C3orf49: variants seen among roughly 807,000 people sequenced by gnomAD.
C3orf49 encodes putative uncharacterized protein C3orf49.
Under a neutral mutation model 13.3 loss-of-function variants are expected in C3orf49, and 27 were observed. The observed-to-expected ratio is 2.02, with a 90% confidence interval of 1.49 to 2.79. C3orf49 has a LOEUF of 2.79. C3orf49 is among the 30% of genes most tolerant of loss of function. The pLI is 0.00. For synonymous variants in C3orf49, 87 were observed against 47.6 expected (o/e 1.83, Z -3.40); for missense variants, 242 against 134.2 (o/e 1.80, Z -3.97).
At chr3:63,836,088 T>C (rs891483410) in intron 5 of C3orf49, among the ~76,000 whole-genome samples, 11 of 152,068 alleles carry the variant, frequency 7.2e-5, no homozygotes, top group Non-Finnish European at 1.3e-4. Flanking sequence ...CATTGTGATA[T>C]TGATGCATAT....
At chr3:63,794,673 T>C in the C3orf49 span, among the ~76,000 whole-genome samples, 1 of 152,144 alleles carries the variant, frequency 6.6e-6, no homozygotes, top group African/African-American at 2.4e-5. Flanking sequence ...AAACACCTCC[T>C]ATGTGCCAGG....
the C3orf49 span, among the ~76,000 whole-genome samples, chr3:63,795,094 T>C: frequency 6.6e-6 from 1 of 152,154 alleles, no homozygotes; most frequent in Non-Finnish European, 1.5e-5. Flanking sequence ...GAGCCTTTGT[T>C]TGCATAGAAG....
intron 5 of C3orf49, chr3:63,838,434 A>G: frequency 6.2e-7 from 1 of 1,608,246 alleles, no homozygotes; most frequent in South Asian, 1.1e-5. Context: ...ATATACTAGT[A>G]AAGTTTTGCC....
chr3:63,804,986 T>C, the C3orf49 span: 1 of 152,206 alleles, frequency 6.6e-6, no homozygotes, highest in Non-Finnish European at 1.5e-5. Flanking sequence ...TGATATTTCA[T>C]TTTAAAGACC....
chr3:63,783,746 A>C, the C3orf49 span, among the ~76,000 whole-genome samples: 5 of 151,270 alleles, frequency 3.3e-5, no homozygotes, highest in East Asian at 5.8e-4. Flanking sequence ...TTAATTCATT[A>C]ATTAATTAAT....
At position 63,831,101 on chromosome 3, in the gene C3orf49, T is replaced by G. The variant is rs1200279902; in HGVS notation, c.571-9T>G. ...TCCTAATCTGATGTGTTTTGCATTT[T>G]TACCATAGGGGCCATATTCACCAAA... is the stretch of plus-strand genomic sequence containing the variant. On this transcript the variant is annotated splice_polypyrimidine_tract_variant and intron_variant, in intron 3 of 6. Coordinates refer to ENST00000295896, the MANE Select transcript of C3orf49 (RefSeq NM_001355236.2). 3 of 695,384 alleles carry G rather than the reference T, an allele frequency of 4.3e-6. No homozygotes were observed. The African/African-American group carries it at 5.3e-5, about 12-fold the overall frequency. The allele number at this position is 695,384 out of a possible 1,614,324, so 43.1% of individuals were successfully genotyped here. A position where few individuals can be genotyped will look rare whatever the true frequency, so the allele number is the denominator to read the frequency against.
At chr3:63,803,637 G>A in the C3orf49 span, among the ~76,000 whole-genome samples, 12,689 of 152,118 alleles carry the variant, frequency 0.083, 1,283 homozygotes, top group African/African-American at 0.24. Flanking sequence ...AGAGGAGCCC[G>A]GCTGAATGCT....
At chr3:63,843,986 C>T (rs1701830270) in intron 5 of C3orf49, among the ~76,000 whole-genome samples, 1 of 151,976 alleles carries the variant, frequency 6.6e-6, no homozygotes, top group African/African-American at 2.4e-5. Flanking sequence ...TACACATACA[C>T]ATACATACAT....
intron 2 of C3orf49, chr3:63,827,244 T>C (rs1407037705): frequency 1.2e-5 from 2 of 165,686 alleles, no homozygotes; most frequent in African/African-American, 4.8e-5. Context: ...AGATAGAAAA[T>C]TTGCTTTAAT....
At chr3:63,788,482 T>G in the C3orf49 span, among the ~76,000 whole-genome samples, 1 of 152,096 alleles carries the variant, frequency 6.6e-6, no homozygotes. Flanking sequence ...CAACTCAGTG[T>G]CACTGTTTAC....
Position 63,845,200 on chromosome 3 carries a change from T to C in C3orf49, c.*30+118T>C, listed in dbSNP as rs527982608. The C allele has an allele frequency of 1.6e-4, 76 of 481,378 alleles. No individual in the cohort carries two copies. In the South Asian group the frequency reaches 3.1e-3, roughly 20 times the overall value. 29.8% of individuals were successfully genotyped at this position (481,378 alleles called of 1,614,324 possible). ...CTTTAAGTATTTAAGCTCGCTGATA[T>C]CTTTGGCTTTGGGGGTATCAAGATT... On this transcript the variant is annotated intron_variant, in intron 6 of 6. Coordinates refer to ENST00000295896, the MANE Select transcript of C3orf49 (RefSeq NM_001355236.2).
intron 5 of C3orf49, chr3:63,838,236 T>G: frequency 2.2e-6 from 2 of 907,772 alleles, no homozygotes; most frequent in South Asian, 3.8e-5. Context: ...TTTTTATAGC[T>G]AACATTTACT....
intron 1 of C3orf49, among the ~76,000 whole-genome samples, chr3:63,819,960 A>G (rs1358604341): frequency 6.6e-6 from 1 of 152,186 alleles, no homozygotes; most frequent in African/African-American, 2.4e-5. Flanking sequence ...TAGGTCCACG[A>G]TCAGTGCTTT....
At chr3:63,780,928 A>G in the C3orf49 span, among the ~76,000 whole-genome samples, 28 of 152,022 alleles carry the variant, frequency 1.8e-4, no homozygotes, top group African/African-American at 6.8e-4. Context: ...ATTTTCTCCC[A>G]TTCTGTAGGT....
At chr3:63,809,675 C>T in the C3orf49 span, among the ~76,000 whole-genome samples, 1 of 152,284 alleles carries the variant, frequency 6.6e-6, no homozygotes, top group Non-Finnish European at 1.5e-5. Context: ...TCTGTTCCAG[C>T]CACACAGGCC....
intron 5 of C3orf49, chr3:63,838,350 TAGAAACATTA>T (rs752473394): frequency 7.1e-7 from 1 of 1,404,912 alleles, no homozygotes; most frequent in South Asian, 1.3e-5. Context: ...AAATTACAGA[TAGAAACATTA>T]AGATTCTTTA....
chr3:63,792,181 T>A, the C3orf49 span, among the ~76,000 whole-genome samples: 1 of 152,218 alleles, frequency 6.6e-6, no homozygotes, highest in African/African-American at 2.4e-5. Context: ...TTGCATGCCA[T>A]CTTGTGGAGG....
At chr3:63,804,384 C>T in the C3orf49 span, among the ~76,000 whole-genome samples, 7 of 152,132 alleles carry the variant, frequency 4.6e-5, no homozygotes, top group Non-Finnish European at 8.8e-5. Flanking sequence ...CTCTGCCTTC[C>T]CCATCTCCTT....
chr3:63,806,374 T>A, the C3orf49 span, among the ~76,000 whole-genome samples: 1 of 152,220 alleles, frequency 6.6e-6, no homozygotes, highest in Non-Finnish European at 1.5e-5. Flanking sequence ...TTACAGTACT[T>A]GCACTGGAAC....
Sources: gnomAD v4.1 joint callset for allele counts (sites outside exome capture counted in the v4.1 genomes callset) on GRCh38, gnomAD v4.1.1 for gene constraint, MANE v1.5 for transcripts, NCBI Gene and HGNC (gene_info 2026-07-23, HGNC 2026-07-21) for gene names.